AGBL4: variants seen among roughly 807,000 people sequenced by gnomAD.
AGBL4 encodes the protein AGBL carboxypeptidase 4.
AGBL4 carries 58 observed loss-of-function variants against 66.4 expected under a neutral mutation model. The ratio of observed to expected loss-of-function variants is 0.87; its 90% CI spans 0.71 to 1.09. The LOEUF (loss-of-function observed/expected upper bound fraction) is 1.09, where lower values mean the gene tolerates loss of function less well. Among genes scored for constraint, AGBL4 ranks in the 50% least tolerant of loss-of-function variants. AGBL4 has a pLI of 0.00. For missense variants in AGBL4, 579 were observed against 631.0 expected, an observed-to-expected ratio of 0.92 and a Z score of 0.88; for synonymous variants, 234 against 222.9, an observed-to-expected ratio of 1.05 and a Z score of -0.44.
At chr1:49,519,520 G>A (rs538485591) in intron 3 of AGBL4, among the ~76,000 whole-genome samples, 1 of 152,092 alleles carries the variant, frequency 6.6e-6, no homozygotes, top group African/African-American at 2.4e-5. Flanking sequence ...AACACATTAG[G>A]AGTAAGAAAT....
intron 3 of AGBL4, among the ~76,000 whole-genome samples, chr1:49,544,539 T>C (rs1321633889): frequency 1.3e-5 from 2 of 152,166 alleles, no homozygotes; most frequent in Non-Finnish European, 2.9e-5. Context: ...GTAAATCCAA[T>C]AAATATTTAT....
chr1:49,836,805 T>A (rs1645862927), intron 2 of AGBL4, among the ~76,000 whole-genome samples: 2 of 152,184 alleles, frequency 1.3e-5, no homozygotes, highest in African/African-American at 4.8e-5. Flanking sequence ...TTCCTTTCTG[T>A]TTGTTAGTTT....
intron 5 of AGBL4, among the ~76,000 whole-genome samples, chr1:48,901,436 T>C (rs971720476): frequency 2.0e-5 from 3 of 152,192 alleles, no homozygotes; most frequent in African/African-American, 7.2e-5. Flanking sequence ...AGTAGCTTTA[T>C]TCATAATAGT....
intron 3 of AGBL4, among the ~76,000 whole-genome samples, chr1:49,289,339 A>T (rs1239372297): frequency 6.6e-6 from 1 of 152,260 alleles, no homozygotes; most frequent in Admixed American, 6.5e-5. Flanking sequence ...AATGAATTAC[A>T]TGCAAAATAT....
chr1:48,914,558 A>G (rs555885957), intron 5 of AGBL4, among the ~76,000 whole-genome samples: 1 of 152,370 alleles, frequency 6.6e-6, no homozygotes, highest in South Asian at 2.1e-4. Flanking sequence ...AAGAGACTTT[A>G]CCAAAGCTGA....
intron 2 of AGBL4, among the ~76,000 whole-genome samples, chr1:49,842,846 G>A (rs908436802): frequency 2.6e-5 from 4 of 152,182 alleles, no homozygotes; most frequent in African/African-American, 7.2e-5. Flanking sequence ...TCAGGCAGAG[G>A]AAACAGCAGG....
intron 1 of AGBL4, among the ~76,000 whole-genome samples, chr1:49,970,406 A>C (rs938415685): frequency 6.6e-6 from 1 of 152,200 alleles, no homozygotes; most frequent in Non-Finnish European, 1.5e-5. Context: ...TCAATAGCGA[A>C]AAAACAAATA....
intron 6 of AGBL4, among the ~76,000 whole-genome samples, chr1:48,725,514 T>C (rs958940375): frequency 2.1e-4 from 32 of 152,198 alleles, no homozygotes; most frequent in African/African-American, 7.7e-4. Context: ...TTAATAAGAT[T>C]GTTTTCCATT....
chr1:49,178,134 T>C (rs1226676019), intron 4 of AGBL4, among the ~76,000 whole-genome samples: 1 of 152,188 alleles, frequency 6.6e-6, no homozygotes, highest in African/African-American at 2.4e-5. Flanking sequence ...AGATTTAAGC[T>C]GGAATCCTAA....
chr1:49,260,976 C>CAGA (rs1226042970), intron 3 of AGBL4, among the ~76,000 whole-genome samples: 2 of 149,952 alleles, frequency 1.3e-5, no homozygotes, highest in Non-Finnish European at 3.0e-5. Context: ...AAGTGGGCTT[C>CAGA]ATCCCTGCGA....
At chr1:49,689,979 A>G (rs1361059273) in intron 3 of AGBL4, among the ~76,000 whole-genome samples, 2 of 152,118 alleles carry the variant, frequency 1.3e-5, no homozygotes, top group Admixed American at 1.3e-4. Context: ...GATGTGGTAT[A>G]CCTCATTGCT....
chr1:48,944,550 A>ACATCAAATC (rs1469469604), intron 5 of AGBL4, among the ~76,000 whole-genome samples: 2 of 152,174 alleles, frequency 1.3e-5, no homozygotes, highest in African/African-American at 4.8e-5. Flanking sequence ...GAAAGCATTA[A>ACATCAAATC]CATCAAATCA....
chr1:49,445,424 T>C (rs12734681), intron 3 of AGBL4, among the ~76,000 whole-genome samples: 226 of 152,284 alleles, frequency 1.5e-3, no homozygotes, highest in Non-Finnish European at 1.4e-3. Context: ...ATTATTTCCT[T>C]AAATAGGTTT....
In AGBL4 at chr1:49,401,157, T is replaced by C. The variant is rs369515615; in HGVS notation, c.283-155293A>G. Among the ~76,000 whole-genome samples, 37 of 151,966 alleles carry C rather than the reference T, an allele frequency of 2.4e-4. No individual in the cohort carries two copies. The East Asian group carries it at 6.4e-3, about 26-fold the overall frequency. On this transcript the variant is annotated intron_variant, in intron 3 of 13. Transcript: ENST00000371839. Reference sequence around the variant, plus strand: ...CTCACGTTCCACATGGCTGGGGAGGTCTGAGGAAACTTAAACTCATGGCAG... The same window carrying C: ...CTCACGTTCCACATGGCTGGGGAGGCCTGAGGAAACTTAAACTCATGGCAG...
chr1:49,074,168 C>G (rs2147941960), intron 4 of AGBL4, among the ~76,000 whole-genome samples: 1 of 152,336 alleles, frequency 6.6e-6, no homozygotes, highest in Non-Finnish European at 1.5e-5. Flanking sequence ...TCTTAACTTG[C>G]TGGGCTCTGT....
chr1:49,151,954 C>A, intron 4 of AGBL4, among the ~76,000 whole-genome samples: 1 of 148,794 alleles, frequency 6.7e-6, no homozygotes, highest in Non-Finnish European at 1.5e-5. Context: ...ACAGTGAAGG[C>A]AACAAATAGG....
chr1:49,580,357 T>G (rs1644518746), intron 3 of AGBL4, among the ~76,000 whole-genome samples: 1 of 152,210 alleles, frequency 6.6e-6, no homozygotes, highest in African/African-American at 2.4e-5. Flanking sequence ...TGTAATGTTG[T>G]TAATAGTTTA....
intron 3 of AGBL4, among the ~76,000 whole-genome samples, chr1:49,571,147 A>G (rs1284616825): frequency 6.6e-6 from 1 of 151,744 alleles, no homozygotes. Flanking sequence ...ATTATGAGAA[A>G]GATTGTATTG....
At chr1:48,873,672 CACCAAA>C (rs1648918767) in intron 5 of AGBL4, among the ~76,000 whole-genome samples, 1 of 152,134 alleles carries the variant, frequency 6.6e-6, no homozygotes, top group African/African-American at 2.4e-5. Context: ...CTGAATTGGT[CACCAAA>C]AGAGGTCTTT....
Sources: gnomAD v4.1 joint callset for allele counts (sites outside exome capture counted in the v4.1 genomes callset) on GRCh38, gnomAD v4.1.1 for gene constraint, MANE v1.5 for transcripts, NCBI Gene and HGNC (gene_info 2026-07-23, HGNC 2026-07-21) for gene names.